BMS1: variants seen among roughly 807,000 people sequenced by gnomAD.
BMS1 encodes the protein ribosome biogenesis protein BMS1 homolog.
A neutral mutation model predicts 138.7 loss-of-function variants in BMS1; 53 were observed. The ratio of observed to expected loss-of-function variants is 0.38; its 90% CI spans 0.31 to 0.48. The LOEUF (loss-of-function observed/expected upper bound fraction) is 0.48. Among genes scored for constraint, BMS1 ranks in the 20% least tolerant of loss-of-function variants. The probability of loss-of-function intolerance (pLI) is 0.97; values close to 1 mark genes in which losing one functional copy is unlikely to be tolerated. For missense variants in BMS1, 1,360 were observed against 1,565.5 expected (o/e 0.87, Z 2.22); for synonymous variants, 504 against 539.9 (o/e 0.93, Z 0.92).
intron 15 of BMS1, among the ~76,000 whole-genome samples, chr10:42,818,812 T>C (rs527283943): frequency 3.4e-4 from 52 of 152,108 alleles, no homozygotes; most frequent in African/African-American, 1.2e-3. Flanking sequence ...AAGACTGGCA[T>C]GGGCGAGATG....
intron 13 of BMS1, among the ~76,000 whole-genome samples, chr10:42,815,683 G>A (rs868575403): frequency 6.6e-6 from 1 of 152,166 alleles, no homozygotes; most frequent in African/African-American, 2.4e-5. Context: ...GTTTACAGGC[G>A]TGAGCCACTG....
chr10:42,824,688 TTTA>T (rs1304166558), intron 21 of BMS1, among the ~76,000 whole-genome samples: 1 of 152,200 alleles, frequency 6.6e-6, no homozygotes, highest in East Asian at 1.9e-4. Context: ...AGGGTCCAAT[TTTA>T]TTCTTTTGCA....
Position 42,831,560 on chromosome 10 carries a change from GT to G in BMS1, c.*469del. 6.3e-6 allele frequency: 1 copy of G among 157,792 alleles called. No individual in the cohort carries two copies. The highest frequency in any genetic ancestry group is 1.3e-5 in the Non-Finnish European group (1 of 75,334). The allele number at this position is 157,792 out of a possible 1,614,324, so 9.8% of individuals were successfully genotyped here. On this transcript the variant is annotated 3_prime_UTR_variant, in exon 23 of 23. Coordinates refer to ENST00000374518, the MANE Select transcript of BMS1 (RefSeq NM_014753.4). ...AAGATTTTAGAGAATAGTGTGTAGT[GT>G]TTTTGTTTTGTTTTTTGTTTGAGTG...
intron 21 of BMS1, among the ~76,000 whole-genome samples, chr10:42,825,253 C>T (rs781105088): frequency 2.6e-5 from 4 of 152,120 alleles, no homozygotes; most frequent in Non-Finnish European, 4.4e-5. Context: ...GTGATCTGCC[C>T]GCTGTGGTCT....
chr10:42,811,049 A>AT lies in BMS1; in HGVS notation c.2330-5540dup, dbSNP rs34512002. 1.5e-4 allele frequency among the ~76,000 whole-genome samples: 22 copies of AT among 149,774 alleles called. 1 individual carries two copies. The highest frequency in any genetic ancestry group is 2.0e-4 in the African/African-American group (8 of 40,864). ...TTTCTGCCCTTTATTTATTATTATTATTTTTTTTTTGAGACTGAGTTTCAC... is the reference window on the plus strand; with the variant it reads ...TTTCTGCCCTTTATTTATTATTATTATTTTTTTTTTTGAGACTGAGTTTCAC... On this transcript the variant is annotated intron_variant, in intron 13 of 22. Coordinates refer to ENST00000374518, the MANE Select transcript of BMS1 (RefSeq NM_014753.4).
rs11239786 is a variant in BMS1, at chr10:42,817,359, C to G, written c.2445C>G (p.Pro815=). 56 of 1,606,178 alleles carry G rather than the reference C, an allele frequency of 3.5e-5. No homozygotes were observed. The highest frequency in any genetic ancestry group is 4.7e-5 in the Non-Finnish European group (55 of 1,177,800). Residue 815 remains proline, a synonymous_variant, in exon 15 of 23, where the codon CCC becomes CCG. Transcript: ENST00000374518. ...AAGAAGTTAAGGAAGAAATTGACCC[C>G]GACGAAGAAGAAAGTGCCAAGAAAA... ...IEKEVKEEID[P]DEEESAKKKH... is the part of the protein sequence containing the mutation.
chr10:42,830,405 G>A lies in BMS1; in HGVS notation c.3601G>A (p.Glu1201Lys), dbSNP rs778008944. The part of the protein sequence containing the change: ...KDRRRPAVIR[E>K]PHERKILALL... ...CAGGCGGAGACCGGCCGTCATACGC[G>A]AGCCTCATGAAAGAAAGGTACTGTT... is the stretch of plus-strand genomic sequence containing the variant. The change falls in exon 22 of 23, where the codon GAG becomes AAG. Residue 1201 changes from glutamate to lysine, a missense_variant. Glu to Lys is a moderately conservative substitution (Grantham distance 56). Coordinates refer to ENST00000374518, the MANE Select transcript of BMS1 (RefSeq NM_014753.4). 2.5e-6 allele frequency: 4 copies of A among 1,608,694 alleles called. No homozygotes were observed. Among genetic ancestry groups the A allele is most frequent in the African/African-American group, 1.3e-5 (1 of 74,458 alleles).
chr10:42,792,656 T>C (rs929602447), intron 7 of BMS1, 42 bp downstream of exon 7: 7 of 1,575,050 alleles, frequency 4.4e-6, no homozygotes, highest in Non-Finnish European at 4.3e-6. Context: ...ACACATAGGA[T>C]TCTTGGGATG....
rs374768628 is a variant in BMS1, at chr10:42,803,890, T to TA, written c.2329+1674dup. ...CCCACAGTTTTCTTACACCACTTTGTAACTCTCCATCTTGTCCTCTTCCAT... is the reference window on the plus strand; with the variant it reads ...CCCACAGTTTTCTTACACCACTTTGTAAACTCTCCATCTTGTCCTCTTCCAT... On this transcript the variant is annotated intron_variant, in intron 13 of 22. Coordinates refer to ENST00000374518, the MANE Select transcript of BMS1 (RefSeq NM_014753.4). 5.8e-3 allele frequency among the ~76,000 whole-genome samples: 885 copies of TA among 152,356 alleles called. 12 individuals carry two copies. The highest frequency in any genetic ancestry group is 0.02 in the African/African-American group (816 of 41,580).
intron 1 of BMS1, 33 bp from the exon 2 acceptor site, chr10:42,784,329 C>A (rs535216739): frequency 2.3e-5 from 33 of 1,435,524 alleles, no homozygotes; most frequent in Non-Finnish European, 3.1e-5. Flanking sequence ...AAATGCTTCT[C>A]CCATCTCCTT....
intron 4 of BMS1, among the ~76,000 whole-genome samples, chr10:42,787,561 A>T (rs1399773800): frequency 6.6e-6 from 1 of 152,220 alleles, no homozygotes; most frequent in Non-Finnish European, 1.5e-5. Flanking sequence ...CAAATATATC[A>T]TAGTAAGTAC....
At chr10:42,792,056 G>T (rs934513203) in intron 6 of BMS1, among the ~76,000 whole-genome samples, 1 of 152,112 alleles carries the variant, frequency 6.6e-6, no homozygotes, top group Non-Finnish European at 1.5e-5. Context: ...CTGCCTTCAT[G>T]CCCGGGTGCT....
rs1842841546 is a variant in BMS1 at position 42,834,275 on chromosome 10, G to T, written c.*3179G>T. 1 of 152,014 alleles carries T rather than the reference G, an allele frequency of 6.6e-6. No individual in the cohort carries two copies. The highest frequency in any genetic ancestry group is 6.6e-5 in the Admixed American group (1 of 15,256). 9.4% of individuals were successfully genotyped at this position (152,014 alleles called of 1,614,324 possible). On this transcript the variant is annotated 3_prime_UTR_variant, in exon 23 of 23. Coordinates refer to ENST00000374518, the MANE Select transcript of BMS1 (RefSeq NM_014753.4). The stretch of plus-strand genomic sequence containing the variant: ...TTTTTTTAACAAAACCTGTGAACTT[G>T]CTTTAAGTATTATCATTTGGTGACA...
At position 42,797,158 on chromosome 10, in the gene BMS1, C is replaced by T; in HGVS notation, c.1914C>T (p.Thr638=). Residue 638 remains threonine (T), a synonymous_variant, in exon 10 of 23, where the codon ACC becomes ACT. Coordinates refer to ENST00000374518, the MANE Select transcript of BMS1 (RefSeq NM_014753.4). ...GGCCACAGAACTTCATTGATGAGAC[C>T]AGTGATATAGAAAATTTACTCAAAG... ...KLGPQNFIDE[T]SDIENLLKEE... 2 of 1,613,698 alleles carry T rather than the reference C, an allele frequency of 1.2e-6. No individual in the cohort carries two copies. The highest frequency in any genetic ancestry group is 1.7e-6 in the Non-Finnish European group (2 of 1,179,924).
rs758186179 is a variant in BMS1, at chr10:42,796,523, A to G, written c.1279A>G (p.Met427Val). The change falls in exon 10 of 23, where the codon ATG (methionine) becomes GTG (valine). Residue 427 changes from methionine (M) to valine (V), a missense_variant. Met to Val is a conservative substitution (Grantham distance 21). Around this residue, in one of 3 missense-constraint regions of BMS1, gnomAD observed 697 missense variants for 686.2 expected, o/e 1.02. Transcript: ENST00000374518. ...ACAAATGGACTTGAACACTGGTCGA[A>G]TGCGTCGGAAAGCCATTTTCGGAGA... The part of the protein sequence containing the change: ...EKQMDLNTGR[M>V]RRKAIFGDED... 2 of 1,614,232 alleles carry G rather than the reference A, an allele frequency of 1.2e-6. No individual in the cohort carries two copies. The highest frequency in any genetic ancestry group is 3.3e-5 in the Admixed American group (2 of 60,028).
chr10:42,823,846 A>G (rs1271924597), intron 21 of BMS1, 62 bp downstream of exon 21: 1 of 1,305,326 alleles, frequency 7.7e-7, no homozygotes, highest in South Asian at 2.6e-5. Flanking sequence ...GGAGTCACAC[A>G]GACACTTTTC....
chr10:42,809,894 T>G (rs1237096816), intron 13 of BMS1, among the ~76,000 whole-genome samples: 1 of 151,564 alleles, frequency 6.6e-6, no homozygotes, highest in Non-Finnish European at 1.5e-5. Flanking sequence ...CCAGTGATCC[T>G]CCTGCCTCCA....
intron 13 of BMS1, among the ~76,000 whole-genome samples, chr10:42,804,060 T>C (rs1841948101): frequency 6.6e-6 from 1 of 152,242 alleles, no homozygotes; most frequent in Non-Finnish European, 1.5e-5. Flanking sequence ...ATCCATGCTG[T>C]TGCATCTTCA....
chr10:42,792,875 G>A, intron 7 of BMS1, 82 bp from the exon 8 acceptor site: 1 of 1,471,690 alleles, frequency 6.8e-7, no homozygotes, highest in South Asian at 1.3e-5. Flanking sequence ...TTGGACTGTG[G>A]ATCATATTTA....
Sources: allele counts gnomAD v4.1 joint callset (sites outside exome capture counted in the v4.1 genomes callset), GRCh38; gene constraint gnomAD v4.1.1; regional missense constraint gnomAD v4.1.1; transcripts MANE v1.5; gene names NCBI Gene and HGNC (gene_info 2026-07-23, HGNC 2026-07-21).